The following ANKRD24 variants were observed in gnomAD, a reference collection of about 807,000 sequenced individuals.
The protein encoded by ANKRD24 is ankyrin repeat domain 24.
In ANKRD24, 109 loss-of-function variants were observed where a neutral mutation model predicts 127.8. That is an observed-to-expected ratio of 0.85 (90% CI 0.73 to 1.00). The LOEUF (loss-of-function observed/expected upper bound fraction) is 1.00. Among genes scored for constraint, ANKRD24 ranks in the 50% least tolerant of loss-of-function variants. ANKRD24 has a pLI of 0.00. For synonymous variants in ANKRD24, 743 were observed against 671.1 expected (o/e 1.11, Z -1.66); for missense variants, 1,648 against 1,570.2 (o/e 1.05, Z -0.84).
At chr19:4,224,294 A>T in intron 21 of ANKRD24, 102 bp downstream of exon 21, 1 of 1,429,030 alleles carries the variant, frequency 7.0e-7, no homozygotes, top group Non-Finnish European at 9.6e-7. Flanking sequence ...TGGTCTGGGG[A>T]GAGGTTCGTG....
At chr19:4,202,181 C>A in intron 6 of ANKRD24, 91 bp downstream of exon 6, 1 of 1,218,530 alleles carries the variant, frequency 8.2e-7, no homozygotes, top group Non-Finnish European at 1.2e-6. Flanking sequence ...TCTATGAATC[C>A]TAGATATTCC....
intron 2 of ANKRD24, among the ~76,000 whole-genome samples, chr19:4,191,953 T>C (rs1968411354): frequency 6.6e-6 from 1 of 150,844 alleles, no homozygotes; most frequent in Admixed American, 6.6e-5. Context: ...AGCTAATTTT[T>C]TTTTTTTGGT....
chr19:4,223,399 ATAT>A (rs1364385246), intron 20 of ANKRD24, among the ~76,000 whole-genome samples: 183 of 56,336 alleles, frequency 3.2e-3, no homozygotes, highest in South Asian at 8.2e-3. Flanking sequence ...ATATATATAT[ATAT>A]TTTTTTTTTT....
At chr19:4,197,443 C>T (rs771649213) in intron 2 of ANKRD24, among the ~76,000 whole-genome samples, 1 of 151,592 alleles carries the variant, frequency 6.6e-6, no homozygotes, top group Non-Finnish European at 1.5e-5. Context: ...GGTGAGTGAA[C>T]TAATGAATGG....
intron 1 of ANKRD24, 83 bp from the exon 2 acceptor site, chr19:4,186,307 C>T: frequency 6.5e-7 from 1 of 1,527,466 alleles, no homozygotes; most frequent in South Asian, 1.3e-5. Context: ...GGAAGCGGTC[C>T]TTTTGAGGAG....
chr19:4,224,230 G>T, intron 21 of ANKRD24, 38 bp downstream of exon 21: 1 of 1,575,054 alleles, frequency 6.3e-7, no homozygotes, highest in South Asian at 1.1e-5. Context: ...GTGGCTTTGG[G>T]CATACCACTG....
chr19:4,223,507 A>G (rs1213973614), intron 20 of ANKRD24, among the ~76,000 whole-genome samples: 1 of 147,290 alleles, frequency 6.8e-6, no homozygotes, highest in Non-Finnish European at 1.5e-5. Flanking sequence ...TCCCGGGTTC[A>G]AGTGATTCTC....
Position 4,219,666 on chromosome 19 carries a change from C to G in ANKRD24, c.3079C>G (p.Leu1027Val). 6.2e-7 allele frequency: 1 copy of G among 1,613,858 alleles called. No homozygotes were observed. Among genetic ancestry groups the G allele is most frequent in the Non-Finnish European group, 8.5e-7 (1 of 1,179,840 alleles). Reference sequence around the variant, plus strand: ...ACAGCTGGCCACAGCAGAGCAGCAGCTACGGGGGCTACGGACCGAGGCGGA... The same window carrying G: ...ACAGCTGGCCACAGCAGAGCAGCAGGTACGGGGGCTACGGACCGAGGCGGA... ...EAQLATAEQQ[L>V]RGLRTEAERA... The change falls in exon 19 of 22, where the codon CTA becomes GTA. Residue 1027 changes from leucine (L) to valine (V), a missense_variant. Coordinates refer to ENST00000318934, the MANE Select transcript of ANKRD24 (RefSeq NM_001393985.1).
intron 5 of ANKRD24, among the ~76,000 whole-genome samples, chr19:4,201,247 G>A (rs1969080839): frequency 6.6e-6 from 1 of 152,104 alleles, no homozygotes; most frequent in Non-Finnish European, 1.5e-5. Flanking sequence ...CTAGGCATGG[G>A]GACACAGTCA....
intron 2 of ANKRD24, among the ~76,000 whole-genome samples, chr19:4,187,484 C>G (rs969111671): frequency 6.6e-5 from 10 of 152,124 alleles, no homozygotes. Context: ...TTCCAAGTGG[C>G]TGGAACAGCC....
intron 2 of ANKRD24, among the ~76,000 whole-genome samples, chr19:4,191,320 C>A (rs979037722): frequency 0.061 from 104 of 1,696 alleles, no homozygotes; most frequent in Non-Finnish European, 0.24. Context: ...GGGCCAGGCC[C>A]CCCCCTCCTG....
At position 4,207,813 on chromosome 19, in the gene ANKRD24, G is replaced by A; in HGVS notation, c.677G>A (p.Ser226Asn). 1 of 1,575,570 alleles carries A rather than the reference G, an allele frequency of 6.3e-7. No individual in the cohort carries two copies. The highest frequency in any genetic ancestry group is 8.6e-7 in the Non-Finnish European group (1 of 1,161,614). Reference protein sequence around the residue: ...TALMLACEGASPETVEVLLQG... With the variant: ...TALMLACEGANPETVEVLLQG... Reference sequence around the variant, plus strand: ...CTGATGCTGGCCTGTGAGGGGGCCAGCCCCGAAACAGTGGAGGTCCTGCTG... The same window carrying A: ...CTGATGCTGGCCTGTGAGGGGGCCAACCCCGAAACAGTGGAGGTCCTGCTG... The change falls in exon 10 of 22, where the codon AGC becomes AAC. Residue 226 changes from serine to asparagine, a missense_variant. Transcript: ENST00000318934.
rs922736832 is a variant in ANKRD24, at chr19:4,222,569, C to T, written c.3172-101C>T. 2.2e-6 allele frequency: 3 copies of T among 1,363,544 alleles called. No individual in the cohort carries two copies. The African/African-American group carries it at 4.4e-5, about 20-fold the overall frequency. The allele number at this position is 1,363,544 out of a possible 1,614,324, so 84.5% of individuals were successfully genotyped here. A position where few individuals can be genotyped will look rare whatever the true frequency, so the allele number is the denominator to read the frequency against. ...GCTAACCCCAGGGACGGGACCTTCC[C>T]TTGAAAGCCTTTATCCCTGGCCTCT... On this transcript the variant is annotated intron_variant, in intron 19 of 21. Coordinates refer to ENST00000318934, the MANE Select transcript of ANKRD24 (RefSeq NM_001393985.1).
At position 4,217,403 on chromosome 19, in the gene ANKRD24, A is replaced by C; in HGVS notation, c.2243A>C (p.Glu748Ala). ...GAGCGGGAGGCAGCTGCGGAGCTGG[A>C]GGCGGCCCTGGGGAAGTGCGAGGCC... ...QREREAAAEL[E>A]AALGKCEAAE... Residue 748 changes from glutamate to alanine, a missense_variant, in exon 18 of 22, where the codon GAG (glutamate) becomes GCG (alanine). Glu to Ala is a moderately radical substitution (Grantham distance 107). Coordinates refer to ENST00000318934, the MANE Select transcript of ANKRD24 (RefSeq NM_001393985.1). 1 of 1,549,700 alleles carries C rather than the reference A, an allele frequency of 6.5e-7. No individual in the cohort carries two copies. The highest frequency in any genetic ancestry group is 1.2e-5 in the South Asian group (1 of 83,912).
In ANKRD24 at chr19:4,217,045, G is replaced by A; in HGVS notation, c.1885G>A (p.Asp629Asn). Residue 629 changes from aspartate to asparagine, a missense_variant, in exon 18 of 22, where the codon GAC becomes AAC. Asp to Asn is a conservative substitution (Grantham distance 23). Transcript: ENST00000318934. ...TAAGCCCACAGGAGCTCAGGCCACA[G>A]ACACAGAGACCACGGGAGTGGAGGC... ...ETKPTGAQATDTETTGVEAMG... is the reference protein window; with the variant it reads ...ETKPTGAQATNTETTGVEAMG... 1 of 1,613,932 alleles carries A rather than the reference G, an allele frequency of 6.2e-7. No individual in the cohort carries two copies. Among genetic ancestry groups the A allele is most frequent in the Non-Finnish European group, 8.5e-7 (1 of 1,179,890 alleles).
intron 2 of ANKRD24, among the ~76,000 whole-genome samples, chr19:4,193,516 G>A (rs1968504794): frequency 6.6e-6 from 1 of 151,492 alleles, no homozygotes; most frequent in South Asian, 2.1e-4. Context: ...GGCTACTATG[G>A]CAGCATGGAT....
Position 4,218,091 on chromosome 19 carries a change from C to A in ANKRD24, c.2931C>A (p.Asn977Lys). Residue 977 changes from asparagine to lysine, a missense_variant, in exon 18 of 22, where the codon AAC becomes AAA. By Grantham distance (94) the Asn-to-Lys change is moderately conservative (BLOSUM62 0). Coordinates refer to ENST00000318934, the MANE Select transcript of ANKRD24 (RefSeq NM_001393985.1). Reference protein sequence around the residue: ...HERIVGTLQANVAQLEGQLEE... With the variant: ...HERIVGTLQAKVAQLEGQLEE... ...GCATCGTGGGCACCCTGCAGGCCAA[C>A]GTGGCCCAGCTGGAGGGGCAGCTGG... 1.3e-6 allele frequency: 2 copies of A among 1,546,434 alleles called. No individual in the cohort carries two copies. The highest frequency in any genetic ancestry group is 1.7e-6 in the Non-Finnish European group (2 of 1,148,770).
At chr19:4,197,100 G>A (rs1390534806) in intron 2 of ANKRD24, among the ~76,000 whole-genome samples, 1 of 152,164 alleles carries the variant, frequency 6.6e-6, no homozygotes, top group African/African-American at 2.4e-5. Flanking sequence ...ACCCTCCGCA[G>A]TAGGAACTAT....
rs200294304 is a variant in ANKRD24, at chr19:4,207,960, C to A, written c.824C>A (p.Pro275Gln). The A allele has an allele frequency of 5.3e-5, 79 of 1,499,352 alleles. No individual in the cohort carries two copies. The highest frequency in any genetic ancestry group is 6.7e-5 in the Non-Finnish European group (75 of 1,126,762). 92.9% of individuals were successfully genotyped at this position (1,499,352 alleles called of 1,614,324 possible). The change falls in exon 10 of 22, where the codon CCA (proline) becomes CAA (glutamine). Residue 275 changes from proline to glutamine, a missense_variant. By Grantham distance (76) the Pro-to-Gln change is moderately conservative (BLOSUM62 -1). Coordinates refer to ENST00000318934, the MANE Select transcript of ANKRD24 (RefSeq NM_001393985.1). Reference sequence around the variant, plus strand: ...CAAGAGGCGGCCCAGCGCCCCTCCCCACCCAGCGGTATGCAAGCCCCACCT... The same window carrying A: ...CAAGAGGCGGCCCAGCGCCCCTCCCAACCCAGCGGTATGCAAGCCCCACCT... ...LLQEAAQRPS[P>Q]PSALTEDDSG...
Sources: gnomAD v4.1 joint callset for allele counts (sites outside exome capture counted in the v4.1 genomes callset) on GRCh38, gnomAD v4.1.1 for gene constraint, MANE v1.5 for transcripts, NCBI Gene and HGNC (gene_info 2026-07-23, HGNC 2026-07-21) for gene names.